The following PIK3R4 variants were observed in gnomAD, a reference collection of about 807,000 sequenced individuals.
PIK3R4 encodes phosphoinositide-3-kinase regulatory subunit 4.
A neutral mutation model predicts 136.5 loss-of-function variants in PIK3R4; 46 were observed. That is an observed-to-expected ratio of 0.34 (90% CI 0.27 to 0.43). The LOEUF (loss-of-function observed/expected upper bound fraction) is 0.43, where lower values mean the gene tolerates loss of function less well. PIK3R4 is among the 20% of genes least tolerant of loss of function. The pLI is 1.00. For missense variants in PIK3R4, 1,331 were observed against 1,649.5 expected (o/e 0.81, Z 3.35); for synonymous variants, 557 against 566.7 (o/e 0.98, Z 0.24).
intron 13 of PIK3R4, among the ~76,000 whole-genome samples, chr3:130,697,984 A>G (rs552746566): frequency 3.9e-5 from 6 of 152,214 alleles, no homozygotes; most frequent in Non-Finnish European, 8.8e-5. Context: ...CTGAAGGACA[A>G]TTTTACTGCC....
intron 9 of PIK3R4, among the ~76,000 whole-genome samples, chr3:130,715,172 G>A (rs957534581): frequency 7.1e-6 from 1 of 140,880 alleles, no homozygotes; most frequent in Non-Finnish European, 1.5e-5. Flanking sequence ...CACCCAGGCT[G>A]GAGTGCAGCG....
chr3:130,717,426 G>C (rs140824483), intron 8 of PIK3R4, among the ~76,000 whole-genome samples: 353 of 152,080 alleles, frequency 2.3e-3, no homozygotes, highest in African/African-American at 7.9e-3. Context: ...AAAAGGAGTA[G>C]ATATCTCTAG....
intron 2 of PIK3R4, among the ~76,000 whole-genome samples, chr3:130,741,701 T>C (rs2066824747): frequency 2.0e-5 from 3 of 152,136 alleles, no homozygotes; most frequent in Admixed American, 1.3e-4. Context: ...TAACCAAAAT[T>C]AACTTTCTTA....
In PIK3R4 at chr3:130,679,403, T is replaced by G. The variant is rs1364031710; in HGVS notation, c.3989A>C (p.Asp1330Ala). 17 of 1,611,464 alleles carry G rather than the reference T, an allele frequency of 1.1e-5. No individual in the cohort carries two copies. The highest frequency in any genetic ancestry group is 1.4e-5 in the Non-Finnish European group (16 of 1,177,598). ...GPESLPVGHH[D>A]IITDVATFQT... ...GAATGTGGCGACATCAGTGATGATG[T>G]CATGATGTCCCACGGGCAGGGACTC... The change falls in exon 20 of 20, where the codon GAC (aspartate) becomes GCC (alanine). Residue 1330 changes from aspartate to alanine, a missense_variant. By Grantham distance (126) the Asp-to-Ala change is moderately radical (BLOSUM62 -2). Around this residue, in one of 2 missense-constraint regions of PIK3R4, gnomAD observed 1,180 missense variants for 1,407.0 expected, o/e 0.84. Transcript: ENST00000356763.
At chr3:130,745,868 CA>C in intron 1 of PIK3R4, among the ~76,000 whole-genome samples, 1 of 151,984 alleles carries the variant, frequency 6.6e-6, no homozygotes, top group East Asian at 1.9e-4. Flanking sequence ...ACTAAAAATA[CA>C]AAAATTAGCC....
intron 13 of PIK3R4, among the ~76,000 whole-genome samples, chr3:130,701,411 C>G (rs1379654468): frequency 6.6e-6 from 1 of 151,668 alleles, no homozygotes; most frequent in African/African-American, 2.4e-5. Flanking sequence ...ACTTTGGAGG[C>G]TGAGGCAGGA....
In PIK3R4 at chr3:130,686,290, C is replaced by G. The variant is rs764380710; in HGVS notation, c.3396G>C (p.Ala1132=). 1 of 1,613,350 alleles carries G rather than the reference C, an allele frequency of 6.2e-7. No individual in the cohort carries two copies. The highest frequency in any genetic ancestry group is 1.1e-5 in the South Asian group (1 of 91,066). The change falls in exon 15 of 20, where the codon GCG becomes GCC. Residue 1132 remains alanine, a synonymous_variant. Coordinates refer to ENST00000356763, the MANE Select transcript of PIK3R4 (RefSeq NM_014602.3). ...ACTTTAAATCATGCTTTAAAGTCCACGCATTGCTTGAAGACCTAAGGTCCC... is the reference window on the plus strand; with the variant it reads ...ACTTTAAATCATGCTTTAAAGTCCAGGCATTGCTTGAAGACCTAAGGTCCC... ...VGWDLRSSSN[A]WTLKHDLKSG... is the part of the protein sequence containing the mutation.
intron 3 of PIK3R4, 76 bp downstream of exon 3, chr3:130,735,793 C>T: frequency 7.5e-7 from 1 of 1,333,492 alleles, no homozygotes; most frequent in South Asian, 1.4e-5. Flanking sequence ...TACAACATTC[C>T]AGAAATCTGA....
At chr3:130,706,106 TTTTA>T (rs1464518205) in intron 11 of PIK3R4, among the ~76,000 whole-genome samples, 1 of 152,264 alleles carries the variant, frequency 6.6e-6, no homozygotes, top group Non-Finnish European at 1.5e-5. Flanking sequence ...AATTAATGTT[TTTTA>T]TTTAAGATAT....
rs1471221680 is a variant in PIK3R4 at position 130,735,949 on chromosome 3, G to T, written c.787C>A (p.Gln263Lys). The change falls in exon 3 of 20, where the codon CAA becomes AAA. Residue 263 changes from glutamine (Q) to lysine (K), a missense_variant. Around this residue, in one of 2 missense-constraint regions of PIK3R4, gnomAD observed 1,180 missense variants for 1,407.0 expected, o/e 0.84. Coordinates refer to ENST00000356763, the MANE Select transcript of PIK3R4 (RefSeq NM_014602.3). ...TEGVPLFDLS[Q>K]LLAYRNGHFF... ...TGTCCATTTCTATAAGCCAAAAGTT[G>T]AGAGAGATCAAATAATGGTACACCT... The T allele has an allele frequency of 1.2e-6, 2 of 1,612,034 alleles. No homozygotes were observed.
chr3:130,700,723 C>T (rs2066569678), intron 13 of PIK3R4, among the ~76,000 whole-genome samples: 1 of 152,192 alleles, frequency 6.6e-6, no homozygotes, highest in Non-Finnish European at 1.5e-5. Context: ...TAAGAAAACA[C>T]ATTAGCTTTG....
chr3:130,729,095 T>C (rs2066748718), intron 5 of PIK3R4, among the ~76,000 whole-genome samples: 1 of 152,208 alleles, frequency 6.6e-6, no homozygotes, highest in Non-Finnish European at 1.5e-5. Flanking sequence ...AGAAAATGTT[T>C]TTAAAGGTCA....
At chr3:130,723,658 A>C in intron 6 of PIK3R4, 71 bp from the exon 7 acceptor site, 1 of 1,291,882 alleles carries the variant, frequency 7.7e-7, no homozygotes, top group Non-Finnish European at 1.1e-6. Flanking sequence ...GTAAAGCAAT[A>C]AAATTAAGCA....
rs555482405 is a variant in PIK3R4 at position 130,733,414 on chromosome 3, C to G, written c.1450+134G>C. 3 of 620,934 alleles carry G rather than the reference C, an allele frequency of 4.8e-6. No homozygotes were observed. The South Asian group carries it at 6.3e-5, about 13-fold the overall frequency. 38.5% of individuals were successfully genotyped at this position (620,934 alleles called of 1,614,324 possible). On this transcript the variant is annotated intron_variant, in intron 4 of 19. Transcript: ENST00000356763. ...GGAACAGAGTAACTAGAAATATTAT[C>G]AAAATGTACACAAATAGTTCAAAGA... is the stretch of plus-strand genomic sequence containing the variant.
intron 5 of PIK3R4, among the ~76,000 whole-genome samples, chr3:130,729,776 T>C (rs1218105248): frequency 6.6e-6 from 1 of 152,176 alleles, no homozygotes; most frequent in Non-Finnish European, 1.5e-5. Context: ...CATCTATTAC[T>C]TTACTTCTAA....
intron 7 of PIK3R4, among the ~76,000 whole-genome samples, chr3:130,719,309 T>A (rs1273810847): frequency 6.6e-6 from 1 of 152,114 alleles, no homozygotes; most frequent in Non-Finnish European, 1.5e-5. Context: ...AAAAATTGTA[T>A]TAGCTCTGAG....
rs141115484 is a variant in PIK3R4, at chr3:130,744,668, T to C, written c.551A>G (p.Asn184Ser). 147 of 1,614,212 alleles carry C rather than the reference T, an allele frequency of 9.1e-5. No homozygotes were observed. Among genetic ancestry groups the C allele is most frequent in the East Asian group, 7.6e-4 (34 of 44,884 alleles). ...CCTCCGTGATGTGTCAAAGAAATAA[T>C]TGAAATCTGCCGGGTTGTCTTCTGG... ...YLPEDNPADF[N>S]YFFDTSRRRT... Residue 184 changes from asparagine (N) to serine (S), a missense_variant, in exon 2 of 20, where the codon AAT becomes AGT. Asn to Ser is a conservative substitution (Grantham distance 46). This residue lies in a region of PIK3R4 where 151 missense variants were observed against 242.5 expected (regional missense o/e 0.62). Transcript: ENST00000356763.
At chr3:130,702,542 T>A (rs768350113) in intron 13 of PIK3R4, among the ~76,000 whole-genome samples, 1 of 152,238 alleles carries the variant, frequency 6.6e-6, no homozygotes, top group Non-Finnish European at 1.5e-5. Flanking sequence ...TTATGGTCAA[T>A]GAACTTATAA....
At position 130,686,197 on chromosome 3, in the gene PIK3R4, G is replaced by C. The variant is rs1226968062; in HGVS notation, c.3475+14C>G. ...GCATTCAAAACCCAGCCAATGACTT[G>C]AAAGTTAGCTTACCAATGCAGAGCC... On this transcript the variant is annotated intron_variant, in intron 15 of 19. Coordinates refer to ENST00000356763, the MANE Select transcript of PIK3R4 (RefSeq NM_014602.3). 3 of 1,574,486 alleles carry C rather than the reference G, an allele frequency of 1.9e-6. No individual in the cohort carries two copies. Among genetic ancestry groups the C allele is most frequent in the African/African-American group, 1.3e-5 (1 of 74,098 alleles).
Sources: allele counts gnomAD v4.1 joint callset (sites outside exome capture counted in the v4.1 genomes callset), GRCh38; gene constraint gnomAD v4.1.1; regional missense constraint gnomAD v4.1.1; transcripts MANE v1.5; gene names NCBI Gene and HGNC (gene_info 2026-07-23, HGNC 2026-07-21).